DOP1A: variants seen among roughly 807,000 people sequenced by gnomAD.
The protein encoded by DOP1A is protein DOP1A.
A neutral mutation model predicts 267.6 loss-of-function variants in DOP1A; 90 were observed. The observed-to-expected ratio is 0.34, with a 90% CI of 0.28 to 0.40. The LOEUF is 0.40. Ranked by LOEUF, DOP1A falls within the 10% of genes least tolerant of loss-of-function variation. DOP1A has a pLI of 1.00. For missense variants in DOP1A, 2,437 were observed against 2,900.4 expected, an observed-to-expected ratio of 0.84 and a Z score of 3.67; for synonymous variants, 932 against 999.1, an observed-to-expected ratio of 0.93 and a Z score of 1.27.
intron 3 of DOP1A, among the ~76,000 whole-genome samples, chr6:83,097,568 T>C (rs1393862901): frequency 2.6e-5 from 4 of 152,224 alleles, no homozygotes; most frequent in Non-Finnish European, 4.4e-5. Context: ...AATTTGGTAC[T>C]TTTTACAAAG....
intron 33 of DOP1A, among the ~76,000 whole-genome samples, chr6:83,155,278 A>C (rs1316347546): frequency 2.0e-5 from 3 of 151,430 alleles, no homozygotes; most frequent in African/African-American, 7.3e-5. Flanking sequence ...CCTGGACAAA[A>C]TAGCGAGACC....
chr6:83,138,374 T>C lies in DOP1A; in HGVS notation c.4332T>C (p.Asn1444=). ...ATAGTCACATTCCAGTGGACTCAAA[T>C]CATAACTTCCGGAGTTCTATGTACA... ...DFYSHIPVDS[N]HNFRSSMYIE... Residue 1444 remains asparagine (N), a synonymous_variant, in exon 21 of 39, where the codon AAT becomes AAC. Transcript: ENST00000349129. 1 of 1,610,932 alleles carries C rather than the reference T, an allele frequency of 6.2e-7. No individual in the cohort carries two copies.
At chr6:83,155,242 G>A (rs533681837) in intron 33 of DOP1A, among the ~76,000 whole-genome samples, 2 of 149,896 alleles carry the variant, frequency 1.3e-5, no homozygotes, top group East Asian at 4.0e-4. Context: ...CACTAGGATT[G>A]TTTGAGGCCA....
At position 83,140,385 on chromosome 6, in the gene DOP1A, T is replaced by A. The variant is rs374512773; in HGVS notation, c.5397T>A (p.Ile1799=). ...TIAASASLTT[I]NLGATKNLRQ... is the part of the protein sequence containing the mutation. Reference sequence around the variant, plus strand: ...CCGCATCCGCATCTCTTACCACTATTAATCTTGGAGCTACAAAGGTTAGAC... The same window carrying A: ...CCGCATCCGCATCTCTTACCACTATAAATCTTGGAGCTACAAAGGTTAGAC... The change falls in exon 23 of 39, where the codon ATT becomes ATA. Residue 1799 remains isoleucine (I), a synonymous_variant. Coordinates refer to ENST00000349129, the MANE Select transcript of DOP1A (RefSeq NM_015018.4). The A allele has an allele frequency of 9.3e-6, 15 of 1,608,932 alleles. No homozygotes were observed. In the African/African-American group the frequency reaches 1.7e-4, roughly 19 times the overall value.
chr6:83,151,529 T>C, intron 27 of DOP1A, 64 bp from the exon 28 acceptor site: 3 of 1,330,242 alleles, frequency 2.3e-6, no homozygotes, highest in Non-Finnish European at 3.1e-6. Context: ...CGTGAGAAAT[T>C]AGATCGCATT....
In DOP1A at chr6:83,141,992, C is replaced by T; in HGVS notation, c.5487C>T (p.Ala1829=). 1 of 1,612,600 alleles carries T rather than the reference C, an allele frequency of 6.2e-7. No homozygotes were observed. Residue 1829 remains alanine (A), a synonymous_variant, in exon 24 of 39, where the codon GCC becomes GCT. Coordinates refer to ENST00000349129, the MANE Select transcript of DOP1A (RefSeq NM_015018.4). ...ATCATGGTGTTCACTTTATGGCTGC[C>T]ATTGCATTTGTGTGGAATGAAAGAA... The part of the protein sequence containing the change: ...SMNHGVHFMA[A]IAFVWNERRQ...
intron 16 of DOP1A, 62 bp from the exon 17 acceptor site, chr6:83,130,056 ATTAAC>A (rs1260118434): frequency 1.3e-6 from 2 of 1,538,496 alleles, no homozygotes; most frequent in East Asian, 2.3e-5. Context: ...GTTTTTTGAA[ATTAAC>A]TTAGAGTGTG....
chr6:83,167,104 G>C (rs1296674465), intron 38 of DOP1A: 1 of 980,450 alleles, frequency 1.0e-6, no homozygotes, highest in South Asian at 4.7e-5. Context: ...ATATTTAGTT[G>C]ACAGAGTTTT....
chr6:83,133,599 G>C (rs1010435296), intron 18 of DOP1A, among the ~76,000 whole-genome samples: 1 of 151,940 alleles, frequency 6.6e-6, no homozygotes, highest in African/African-American at 2.4e-5. Flanking sequence ...AAATGTGCTT[G>C]CCTATCTAAA....
intron 3 of DOP1A, among the ~76,000 whole-genome samples, chr6:83,098,710 A>C (rs1282508950): frequency 6.6e-6 from 1 of 151,974 alleles, no homozygotes; most frequent in Non-Finnish European, 1.5e-5. Flanking sequence ...CCCTCCAGGA[A>C]CCTCCGCATG....
chr6:83,130,510 C>G, intron 17 of DOP1A, 113 bp downstream of exon 17: 2 of 1,283,474 alleles, frequency 1.6e-6, no homozygotes, highest in Admixed American at 2.6e-5. Context: ...CATTTAAACA[C>G]CTCTTAATAG....
At chr6:83,136,656 T>A (rs1441876424) in intron 20 of DOP1A, among the ~76,000 whole-genome samples, 1 of 152,146 alleles carries the variant, frequency 6.6e-6, no homozygotes, top group Non-Finnish European at 1.5e-5. Flanking sequence ...TCTCTCTGGC[T>A]TCTTTTCTAT....
rs1562374111 is a variant in DOP1A, at chr6:83,153,948, TG to T, written c.6297del (p.Tyr2100IlefsTer39). On this transcript the variant is annotated frameshift_variant, in exon 32 of 39. Coordinates refer to ENST00000349129, the MANE Select transcript of DOP1A (RefSeq NM_015018.4). LOFTEE classifies it high-confidence loss of function. ...ACVQLLSSLS[G>X]YQYTRRAWKK... ...GTGTCCAGCTGCTCAGCAGTCTTAG[TG>T]GGTATCAGTACACACGGAGAGCTTG... The T allele has an allele frequency of 1.2e-6, 2 of 1,614,060 alleles. No individual in the cohort carries two copies. The highest frequency in any genetic ancestry group is 1.7e-6 in the Non-Finnish European group (2 of 1,179,988).
chr6:83,119,157 T>G (rs1312173100), intron 8 of DOP1A, among the ~76,000 whole-genome samples, 170 bp downstream of exon 8: 1 of 152,176 alleles, frequency 6.6e-6, no homozygotes, highest in African/African-American at 2.4e-5. Flanking sequence ...TGAAGAAATT[T>G]CAGCAGCTTT....
chr6:83,158,501 T>C, intron 35 of DOP1A, 66 bp from the exon 36 acceptor site: 2 of 1,235,130 alleles, frequency 1.6e-6, no homozygotes, highest in Non-Finnish European at 1.2e-6. Context: ...AAAATACAAC[T>C]TAAAGATAAC....
chr6:83,084,613 T>G (rs1768741826), intron 1 of DOP1A, among the ~76,000 whole-genome samples: 1 of 152,160 alleles, frequency 6.6e-6, no homozygotes, highest in Admixed American at 6.5e-5. Context: ...GACAGAGTCT[T>G]GCTTTGTAGC....
intron 7 of DOP1A, among the ~76,000 whole-genome samples, chr6:83,116,925 A>G (rs1399178602): frequency 1.3e-5 from 2 of 152,126 alleles, no homozygotes; most frequent in East Asian, 1.9e-4. Context: ...TTTCCTTGCA[A>G]TGTCAGGCTC....
intron 38 of DOP1A, chr6:83,164,572 C>A: frequency 1.6e-6 from 2 of 1,246,962 alleles, no homozygotes; most frequent in South Asian, 1.3e-5. Flanking sequence ...GGCATCTTCC[C>A]ATCCAAATCA....
At chr6:83,167,681 C>A in intron 38 of DOP1A, 181 bp from the exon 39 acceptor site, 1 of 1,377,106 alleles carries the variant, frequency 7.3e-7, no homozygotes, top group Non-Finnish European at 9.3e-7. Context: ...CCATGTAAAA[C>A]TAATAAATGG....
Sources: gnomAD v4.1 joint callset for allele counts (sites outside exome capture counted in the v4.1 genomes callset) on GRCh38, gnomAD v4.1.1 for gene constraint, MANE v1.5 for transcripts, NCBI Gene and HGNC (gene_info 2026-07-23, HGNC 2026-07-21) for gene names.